The following MPP7 variants were observed in gnomAD, a reference collection of about 807,000 sequenced individuals.
MPP7 encodes the protein MAGUK p55 scaffold protein 7, also known as MAGUK p55 subfamily member 7.
MPP7 carries 60 observed loss-of-function variants against 76.5 expected under a neutral mutation model. The ratio of observed to expected loss-of-function variants is 0.78; its 90% CI spans 0.64 to 0.97. The LOEUF (loss-of-function observed/expected upper bound fraction) is 0.97. Ranked by LOEUF, MPP7 falls within the 50% of genes least tolerant of loss-of-function variation. The pLI is 0.00. For missense variants in MPP7, 641 were observed against 694.0 expected (o/e 0.92, Z 0.86); for synonymous variants, 237 against 244.5 (o/e 0.97, Z 0.29).
At chr10:28,063,016 T>C (rs1851853797) in intron 13 of MPP7, among the ~76,000 whole-genome samples, 1 of 150,568 alleles carries the variant, frequency 6.6e-6, no homozygotes, top group Admixed American at 6.6e-5. Context: ...ATTAAACACT[T>C]TTGCTTTTTA....
At chr10:28,194,264 T>A (rs1001993702) in intron 3 of MPP7, among the ~76,000 whole-genome samples, 4 of 152,166 alleles carry the variant, frequency 2.6e-5, no homozygotes, top group Non-Finnish European at 4.4e-5. Flanking sequence ...TCCACCCGCC[T>A]CGGCCTCCCA....
At chr10:28,085,709 T>C (rs1292181955) in intron 12 of MPP7, among the ~76,000 whole-genome samples, 4 of 152,138 alleles carry the variant, frequency 2.6e-5, no homozygotes, top group Non-Finnish European at 5.9e-5. Context: ...CGAGGGAATA[T>C]CCCTGTTGGA....
chr10:28,082,449 T>TCCTTATCCTTCCTCCTCCTC (rs1470870607), intron 12 of MPP7, among the ~76,000 whole-genome samples: 1 of 150,914 alleles, frequency 6.6e-6, no homozygotes, highest in East Asian at 2.0e-4. Context: ...TCCTCCTCCT[T>TCCTTATCCTTCCTCCTCCTC]CCTTATCCTT....
intron 12 of MPP7, among the ~76,000 whole-genome samples, chr10:28,079,307 C>A (rs1852646321): frequency 6.6e-6 from 1 of 151,924 alleles, no homozygotes; most frequent in Non-Finnish European, 1.5e-5. Context: ...CATGGTCTCC[C>A]CAAATAATCT....
intron 2 of MPP7, among the ~76,000 whole-genome samples, chr10:28,204,763 C>T (rs1329717057): frequency 1.3e-5 from 2 of 152,174 alleles, no homozygotes; most frequent in South Asian, 4.1e-4. Context: ...GCTGGCACAG[C>T]GTAGGCAGTC....
chr10:28,166,842 T>G (rs1836481246), intron 3 of MPP7, among the ~76,000 whole-genome samples: 1 of 152,196 alleles, frequency 6.6e-6, no homozygotes, highest in Non-Finnish European at 1.5e-5. Flanking sequence ...CAACACTTGC[T>G]TTTTTCCCCC....
intron 2 of MPP7, among the ~76,000 whole-genome samples, chr10:28,224,648 C>A (rs1588949148): frequency 6.6e-6 from 1 of 152,116 alleles, no homozygotes; most frequent in African/African-American, 2.4e-5. Context: ...CTTTCCATCC[C>A]CCATTTAACG....
chr10:28,257,742 T>G (rs1296511794), intron 1 of MPP7, among the ~76,000 whole-genome samples: 2 of 42,516 alleles, frequency 4.7e-5, no homozygotes, highest in African/African-American at 1.7e-4. Context: ...ACTTAAAGTA[T>G]AATAAAAAAA....
At position 28,147,437 on chromosome 10, in the gene MPP7, G is replaced by A. The variant is rs777195740; in HGVS notation, c.315+46C>T. 2.8e-6 allele frequency: 4 copies of A among 1,450,476 alleles called. No individual in the cohort carries two copies. The East Asian group carries it at 9.1e-5, about 33-fold the overall frequency. 89.9% of individuals were successfully genotyped at this position (1,450,476 alleles called of 1,614,324 possible). On this transcript the variant is annotated intron_variant, in intron 5 of 16. Transcript: ENST00000683449. Reference sequence around the variant, plus strand: ...CAAAATTCATCTGAAGGCTCAGAAAGTGGCCCTGTTTGAAGGTATTTATTA... The same window carrying A: ...CAAAATTCATCTGAAGGCTCAGAAAATGGCCCTGTTTGAAGGTATTTATTA...
At position 28,120,062 on chromosome 10, in the gene MPP7, C is replaced by T. The variant is rs548425618; in HGVS notation, c.887+132G>A. ...ATACTTAGTTAGACAAAACAGAAAT[C>T]CAAACCCACAGGATAAAAAATTCTA... On this transcript the variant is annotated intron_variant, in intron 10 of 16. Coordinates refer to ENST00000683449, the MANE Select transcript of MPP7 (RefSeq NM_001318170.2). 9.6e-5 allele frequency: 92 copies of T among 960,926 alleles called. 1 individual carries two copies. In the South Asian group the frequency reaches 1.3e-3, roughly 14 times the overall value. The allele number at this position is 960,926 out of a possible 1,614,324, so 59.5% of individuals were successfully genotyped here. A position where few individuals can be genotyped will look rare whatever the true frequency, so the allele number is the denominator to read the frequency against.
chr10:28,228,975 A>G (rs1838788484), intron 2 of MPP7, among the ~76,000 whole-genome samples: 1 of 152,226 alleles, frequency 6.6e-6, no homozygotes, highest in African/African-American at 2.4e-5. Context: ...GAGGGTTAAG[A>G]AAGATAAGGG....
chr10:28,229,459 A>G (rs1838804387), intron 2 of MPP7, among the ~76,000 whole-genome samples: 1 of 152,242 alleles, frequency 6.6e-6, no homozygotes, highest in South Asian at 2.1e-4. Context: ...TAGACCTTCA[A>G]AACAGGAAAT....
chr10:28,087,078 T>A (rs74426362), intron 12 of MPP7, among the ~76,000 whole-genome samples: 1 of 152,158 alleles, frequency 6.6e-6, no homozygotes, highest in Non-Finnish European at 1.5e-5. Context: ...TAAGAGCAGA[T>A]CCCTCATGAA....
At chr10:28,175,042 C>A (rs750737298) in intron 3 of MPP7, among the ~76,000 whole-genome samples, 25 of 152,130 alleles carry the variant, frequency 1.6e-4, no homozygotes, top group Non-Finnish European at 2.6e-4. Context: ...GCCATCCCAG[C>A]ACTTTGGGAG....
chr10:28,162,263 A>G (rs1028435474), intron 3 of MPP7, among the ~76,000 whole-genome samples: 5 of 152,200 alleles, frequency 3.3e-5, no homozygotes, highest in African/African-American at 1.2e-4. Flanking sequence ...AAGGCCTTGC[A>G]GTTTCAGATG....
chr10:28,246,870 T>C (rs1002701441), intron 1 of MPP7, among the ~76,000 whole-genome samples: 2 of 152,144 alleles, frequency 1.3e-5, no homozygotes, highest in South Asian at 4.1e-4. Flanking sequence ...AATCATATCA[T>C]ACATCTTCTC....
chr10:28,167,682 A>G (rs1836531606), intron 3 of MPP7, among the ~76,000 whole-genome samples: 1 of 152,148 alleles, frequency 6.6e-6, no homozygotes, highest in African/African-American at 2.4e-5. Context: ...GCTGGTATAT[A>G]TATATGGAAA....
rs1267077331 is a variant in MPP7, at chr10:28,324,133, C to T, written c.-132+5796G>A. On this transcript the variant is annotated intron_variant, in intron 2 of 11. Transcript: ENST00000441595. ...CCCCCAAGTTGATGATATTAGGAGGCAGGGTCTTTGGGGCTGTGACTAGGT... is the reference window on the plus strand; with the variant it reads ...CCCCCAAGTTGATGATATTAGGAGGTAGGGTCTTTGGGGCTGTGACTAGGT... Among the ~76,000 whole-genome samples, 10 of 152,174 alleles carry T rather than the reference C, an allele frequency of 6.6e-5. No homozygotes were observed. The East Asian group carries it at 1.7e-3, about 26-fold the overall frequency.
rs59550501 is a variant in MPP7 at position 28,057,605 on chromosome 10, CTTTTTTTTTTTTTTTTTTTTT to C, written c.1407+869_1407+889del. 13 of 122,568 alleles carry C rather than the reference CTTTTTTTTTTTTTTTTTTTTT, an allele frequency of 1.1e-4. 1 individual carries two copies. Among genetic ancestry groups the C allele is most frequent in the Non-Finnish European group, 1.4e-4 (13 of 92,784 alleles). 7.6% of individuals were successfully genotyped at this position (122,568 alleles called of 1,614,324 possible). On this transcript the variant is annotated intron_variant, in intron 15 of 16. Coordinates refer to ENST00000683449, the MANE Select transcript of MPP7 (RefSeq NM_001318170.2). Reference sequence around the variant, plus strand: ...GCAGAGCAGTGAGCCAATTAAACCTCTTTTTTTTTTTTTTTTTTTTTTTTTTTTTTAGTAAATTACCCAGTT... The same window carrying C: ...GCAGAGCAGTGAGCCAATTAAACCTCTTTTTTTTTAGTAAATTACCCAGTT...
Sources: allele counts gnomAD v4.1 joint callset (sites outside exome capture counted in the v4.1 genomes callset), GRCh38; gene constraint gnomAD v4.1.1; transcripts MANE v1.5; gene names NCBI Gene and HGNC (gene_info 2026-07-23, HGNC 2026-07-21).